Variants in AGBL4 observed in about 807,000 individuals in gnomAD.
AGBL4 encodes AGBL carboxypeptidase 4.
AGBL4 carries 58 observed loss-of-function variants against 66.4 expected under a neutral mutation model. The observed-to-expected ratio is 0.87, with a 90% confidence interval of 0.71 to 1.09. The LOEUF (loss-of-function observed/expected upper bound fraction) is 1.09, where lower values mean the gene tolerates loss of function less well. AGBL4 is among the 50% of genes least tolerant of loss of function. The pLI, the probability that AGBL4 is intolerant of heterozygous loss-of-function variation, is 0.00. For missense variants in AGBL4, 579 were observed against 631.0 expected, an observed-to-expected ratio of 0.92 and a Z score of 0.88; for synonymous variants, 234 against 222.9, an observed-to-expected ratio of 1.05 and a Z score of -0.44.
intron 6 of AGBL4, among the ~76,000 whole-genome samples, chr1:48,706,726 G>A (rs1646886120): frequency 1.3e-5 from 2 of 152,192 alleles, no homozygotes; most frequent in African/African-American, 4.8e-5. Context: ...ATAAATTTTT[G>A]TTAAATAAAT....
intron 4 of AGBL4, among the ~76,000 whole-genome samples, chr1:49,206,349 T>C (rs1390802017): frequency 6.6e-6 from 1 of 151,954 alleles, no homozygotes; most frequent in Non-Finnish European, 1.5e-5. Flanking sequence ...AAATAAACCC[T>C]CTAACTACTG....
chr1:49,370,060 AAC>A (rs534350792), intron 3 of AGBL4, among the ~76,000 whole-genome samples: 7 of 148,462 alleles, frequency 4.7e-5, no homozygotes, highest in Admixed American at 2.0e-4. Context: ...TCATCACATA[AAC>A]ACACACACAC....
chr1:48,853,981 T>TA lies in AGBL4; in HGVS notation c.634+13209_634+13210insT, dbSNP rs1647090043. Among the ~76,000 whole-genome samples the TA allele has an allele frequency of 4.6e-5, 7 of 152,214 alleles. No individual in the cohort carries two copies. The South Asian group carries it at 1.4e-3, about 32-fold the overall frequency. ...AAACCTCATTGTGCAGAAGGCCTGGTGTTATCAACAGAGCTCCTGTTCATA... is the reference window on the plus strand; with the variant it reads ...AAACCTCATTGTGCAGAAGGCCTGGTAGTTATCAACAGAGCTCCTGTTCATA... On this transcript the variant is annotated intron_variant, in intron 6 of 13. Transcript: ENST00000371839.
chr1:49,922,587 A>G (rs1290874482), intron 1 of AGBL4, among the ~76,000 whole-genome samples: 1 of 152,248 alleles, frequency 6.6e-6, no homozygotes, highest in Non-Finnish European at 1.5e-5. Flanking sequence ...TCTTAAGCTC[A>G]TAAACAACTT....
At chr1:49,696,486 T>A (rs920213474) in intron 3 of AGBL4, among the ~76,000 whole-genome samples, 1 of 152,114 alleles carries the variant, frequency 6.6e-6, no homozygotes, top group Non-Finnish European at 1.5e-5. Flanking sequence ...CCAAAACTTT[T>A]TGAGCACTGA....
At chr1:49,724,671 G>C (rs894381690) in intron 2 of AGBL4, among the ~76,000 whole-genome samples, 1 of 152,138 alleles carries the variant, frequency 6.6e-6, no homozygotes, top group African/African-American at 2.4e-5. Flanking sequence ...CTTGGAGATA[G>C]TACCTGTAAG....
chr1:48,719,349 C>A (rs1352285214), intron 6 of AGBL4, among the ~76,000 whole-genome samples: 1 of 151,880 alleles, frequency 6.6e-6, no homozygotes, highest in African/African-American at 2.4e-5. Flanking sequence ...GTCAGGTTCC[C>A]ACCTGGCAGT....
chr1:48,965,566 T>G (rs991641597), intron 5 of AGBL4, among the ~76,000 whole-genome samples: 5 of 152,164 alleles, frequency 3.3e-5, no homozygotes, highest in Admixed American at 6.5e-5. Context: ...AGCTGGATTT[T>G]TGGGCCACCC....
At chr1:49,603,949 C>T (rs1479577431) in intron 3 of AGBL4, among the ~76,000 whole-genome samples, 1 of 150,604 alleles carries the variant, frequency 6.6e-6, no homozygotes, top group African/African-American at 2.5e-5. Flanking sequence ...CACACACACA[C>T]ACACACACAC....
intron 4 of AGBL4, among the ~76,000 whole-genome samples, chr1:49,155,171 A>G (rs949878207): frequency 3.9e-5 from 6 of 152,186 alleles, no homozygotes; most frequent in African/African-American, 7.2e-5. Flanking sequence ...GCATGATCTT[A>G]TTTAACCCTT....
chr1:48,526,503 G>C, the AGBL4 span, among the ~76,000 whole-genome samples: 1 of 152,310 alleles, frequency 6.6e-6, no homozygotes, highest in Non-Finnish European at 1.5e-5. Flanking sequence ...CAGAACAGCA[G>C]TAACAGTAGC....
chr1:49,988,595 G>T (rs1171022221), intron 1 of AGBL4, among the ~76,000 whole-genome samples: 2 of 152,186 alleles, frequency 1.3e-5, no homozygotes, highest in African/African-American at 4.8e-5. Flanking sequence ...TACTTTCCTG[G>T]TCTTAACAGA....
intron 4 of AGBL4, among the ~76,000 whole-genome samples, chr1:49,243,374 C>G (rs1349269238): frequency 6.6e-6 from 1 of 151,664 alleles, no homozygotes; most frequent in African/African-American, 2.4e-5. Context: ...CCAATAAAAT[C>G]TAATATTCTG....
At position 49,245,761 on chromosome 1, in the gene AGBL4, A is replaced by G. The variant is rs1252627698; in HGVS notation, c.377+9T>C. On this transcript the variant is annotated intron_variant, in intron 4 of 13. Coordinates refer to ENST00000371839, the MANE Select transcript of AGBL4 (RefSeq NM_032785.4). ...ACCAGGAAGGGGTCCCATTCTGTAG[A>G]TCACTTACCATTTTGGTCTGCTGGT... is the stretch of plus-strand genomic sequence containing the variant. 1.3e-6 allele frequency: 2 copies of G among 1,545,372 alleles called. No individual in the cohort carries two copies. The highest frequency in any genetic ancestry group is 1.8e-6 in the Non-Finnish European group (2 of 1,141,666).
Position 49,912,704 on chromosome 1 carries a change from C to T in AGBL4, c.35-61186G>A, listed in dbSNP as rs1650978246. 3.9e-5 allele frequency among the ~76,000 whole-genome samples: 6 copies of T among 152,184 alleles called. No homozygotes were observed. The South Asian group carries it at 1.2e-3, about 32-fold the overall frequency. On this transcript the variant is annotated intron_variant, in intron 1 of 13. Coordinates refer to ENST00000371839, the MANE Select transcript of AGBL4 (RefSeq NM_032785.4). ...AAATGTCTTAGTTTATCTTCTTCTG[C>T]TATAACAGAATACCACAGACTAGGT...
At chr1:49,762,351 T>C (rs1652388371) in intron 2 of AGBL4, among the ~76,000 whole-genome samples, 8 of 152,164 alleles carry the variant, frequency 5.3e-5, no homozygotes, top group Admixed American at 5.2e-4. Context: ...TTCATGTACC[T>C]GTTGGCCATT....
chr1:49,963,510 C>T (rs1405243744), intron 1 of AGBL4, among the ~76,000 whole-genome samples: 1 of 152,152 alleles, frequency 6.6e-6, no homozygotes, highest in Non-Finnish European at 1.5e-5. Flanking sequence ...AACAAAACAA[C>T]TTAAGATATT....
chr1:49,415,078 C>T (rs552705649), intron 3 of AGBL4, among the ~76,000 whole-genome samples: 1 of 152,234 alleles, frequency 6.6e-6, no homozygotes, highest in African/African-American at 2.4e-5. Flanking sequence ...GATCTGGAAA[C>T]AGCATCCAGG....
intron 3 of AGBL4, among the ~76,000 whole-genome samples, chr1:49,375,819 C>T (rs930098485): frequency 6.6e-6 from 1 of 152,044 alleles, no homozygotes; most frequent in Non-Finnish European, 1.5e-5. Flanking sequence ...AAGAATGCCA[C>T]TCAATGAGGC....
Sources: gnomAD v4.1 joint callset for allele counts (sites outside exome capture counted in the v4.1 genomes callset) on GRCh38, gnomAD v4.1.1 for gene constraint, MANE v1.5 for transcripts, NCBI Gene and HGNC (gene_info 2026-07-23, HGNC 2026-07-21) for gene names.